The following GPHN variants were observed in gnomAD, a reference collection of about 807,000 sequenced individuals.
GPHN encodes gephyrin.
In GPHN, 17 loss-of-function variants were observed where a neutral mutation model predicts 95.5. The ratio of observed to expected loss-of-function variants is 0.18; its 90% CI spans 0.12 to 0.27. The LOEUF (loss-of-function observed/expected upper bound fraction) is 0.27. Among genes scored for constraint, GPHN ranks in the 10% least tolerant of loss-of-function variants. GPHN has a pLI of 1.00. For synonymous variants in GPHN, 320 were observed against 322.5 expected, an observed-to-expected ratio of 0.99 and a Z score of 0.08; for missense variants, 660 against 978.1, an observed-to-expected ratio of 0.67 and a Z score of 4.34.
At chr14:66,750,577 G>A (rs1393952043) in intron 2 of GPHN, among the ~76,000 whole-genome samples, 2 of 151,904 alleles carry the variant, frequency 1.3e-5, no homozygotes, top group East Asian at 3.9e-4. Context: ...TTTAAGCACA[G>A]GTAAAGTTGA....
At chr14:67,078,870 C>A (rs1177578523) in intron 11 of GPHN, among the ~76,000 whole-genome samples, 1 of 133,252 alleles carries the variant, frequency 7.5e-6, no homozygotes, top group Non-Finnish European at 1.5e-5. Flanking sequence ...TATTTTTTTC[C>A]CTTCCCTTAA....
chr14:67,301,438 C>G, the GPHN span: 4 of 1,610,442 alleles, frequency 2.5e-6, no homozygotes, highest in Non-Finnish European at 3.4e-6. Context: ...CAAGAACTAA[C>G]TGCTTTGCTG....
At chr14:66,952,863 T>C (rs1321417172) in intron 8 of GPHN, among the ~76,000 whole-genome samples, 1 of 151,890 alleles carries the variant, frequency 6.6e-6, no homozygotes, top group Non-Finnish European at 1.5e-5. Context: ...CCTGACTAAT[T>C]TTTTGTATTT....
chr14:67,438,968 A>ACCAT, the GPHN span, among the ~76,000 whole-genome samples: 1 of 152,014 alleles, frequency 6.6e-6, no homozygotes. Context: ...ATATAAGGAG[A>ACCAT]CCATCCATCC....
chr14:67,096,926 A>G (rs1217355944), intron 12 of GPHN, among the ~76,000 whole-genome samples: 1 of 152,136 alleles, frequency 6.6e-6, no homozygotes, highest in Non-Finnish European at 1.5e-5. Context: ...ATTTTGAAGG[A>G]AACAATATAT....
chr14:67,493,215 T>C, the GPHN span, among the ~76,000 whole-genome samples: 1 of 152,206 alleles, frequency 6.6e-6, no homozygotes, highest in African/African-American at 2.4e-5. Context: ...CCTTGTTCTT[T>C]GTTCTATTCT....
chr14:67,441,052 C>T, the GPHN span, among the ~76,000 whole-genome samples: 1 of 152,160 alleles, frequency 6.6e-6, no homozygotes, highest in African/African-American at 2.4e-5. Flanking sequence ...GGAGCATCAA[C>T]TTTTCCTTAA....
chr14:66,882,290 C>A (rs2153535046), intron 5 of GPHN, among the ~76,000 whole-genome samples: 1 of 151,856 alleles, frequency 6.6e-6, no homozygotes, highest in South Asian at 2.1e-4. Context: ...GTTGCAGTTA[C>A]TATGGATAAA....
chr14:67,711,230 G>A, the GPHN span, among the ~76,000 whole-genome samples: 13,372 of 152,114 alleles, frequency 0.088, 860 homozygotes, highest in East Asian at 0.23. Context: ...ATTTATTAAA[G>A]ATTACACAAG....
chr14:66,801,058 CTT>C (rs2060330920), intron 3 of GPHN, among the ~76,000 whole-genome samples: 1 of 152,072 alleles, frequency 6.6e-6, no homozygotes, highest in African/African-American at 2.4e-5. Flanking sequence ...ACTTAATTCT[CTT>C]TGTTAAATTT....
intron 5 of GPHN, among the ~76,000 whole-genome samples, chr14:66,895,385 C>T (rs2064784568): frequency 6.6e-6 from 1 of 152,128 alleles, no homozygotes; most frequent in African/African-American, 2.4e-5. Context: ...GGAGGGAAAG[C>T]ATTAGGAGAT....
At chr14:67,652,871 G>A in the GPHN span, among the ~76,000 whole-genome samples, 2 of 152,090 alleles carry the variant, frequency 1.3e-5, no homozygotes, top group South Asian at 4.1e-4. Context: ...TCGGCTCACT[G>A]CAACCTCCAC....
the GPHN span, among the ~76,000 whole-genome samples, chr14:67,465,923 G>GA: frequency 6.6e-6 from 1 of 152,210 alleles, no homozygotes; most frequent in African/African-American, 2.4e-5. Flanking sequence ...ACAAGCCTAG[G>GA]AAGCCAAGGA....
the GPHN span, chr14:67,446,091 T>C: frequency 2.3e-5 from 12 of 513,380 alleles, no homozygotes; most frequent in South Asian, 1.0e-4. Context: ...CCAGCTCTCA[T>C]GGGAGGCAGA....
intron 9 of GPHN, among the ~76,000 whole-genome samples, chr14:67,006,398 T>A (rs1408401481): frequency 6.6e-6 from 1 of 152,192 alleles, no homozygotes; most frequent in Non-Finnish European, 1.5e-5. Flanking sequence ...AGCTTGCTGC[T>A]ATTTTTTCTC....
At chr14:66,872,176 A>G (rs775044493) in intron 4 of GPHN, among the ~76,000 whole-genome samples, 2 of 152,210 alleles carry the variant, frequency 1.3e-5, no homozygotes, top group Admixed American at 6.5e-5. Flanking sequence ...CATCTAATAC[A>G]TACCTGATGC....
chr14:67,313,607 A>G, the GPHN span, among the ~76,000 whole-genome samples: 1 of 152,230 alleles, frequency 6.6e-6, no homozygotes, highest in African/African-American at 2.4e-5. Flanking sequence ...AGGCAAAGGA[A>G]TACATACAGG....
At chr14:67,333,008 A>G in the GPHN span, 52,451 of 1,519,792 alleles carry the variant, frequency 0.035, 1,020 homozygotes, top group Middle Eastern at 0.054. Context: ...AAAACTGCCA[A>G]TAGGAGGACT....
chr14:66,835,801 AACAG>A (rs1304970815), intron 4 of GPHN, among the ~76,000 whole-genome samples: 19 of 152,118 alleles, frequency 1.2e-4, no homozygotes, highest in African/African-American at 4.1e-4. Context: ...ATACACCAAC[AACAG>A]ACAGAGAGCC....
Sources: gnomAD v4.1 joint callset for allele counts (sites outside exome capture counted in the v4.1 genomes callset) on GRCh38, gnomAD v4.1.1 for gene constraint, MANE v1.5 for transcripts, NCBI Gene and HGNC (gene_info 2026-07-23, HGNC 2026-07-21) for gene names.